FOXP1: variants seen among roughly 807,000 people sequenced by gnomAD.
The protein encoded by FOXP1 is forkhead box P1, also known as forkhead box protein P1.
In FOXP1, 15 loss-of-function variants were observed where a neutral mutation model predicts 98.2. The observed-to-expected ratio is 0.15, with a 90% CI of 0.10 to 0.24. FOXP1 has a LOEUF of 0.24. Among genes scored for constraint, FOXP1 ranks in the 10% least tolerant of loss-of-function variants. The pLI is 1.00. For synonymous variants in FOXP1, 371 were observed against 314.5 expected, an observed-to-expected ratio of 1.18 and a Z score of -1.90; for missense variants, 633 against 848.5, an observed-to-expected ratio of 0.75 and a Z score of 3.15.
intron 11 of FOXP1, among the ~76,000 whole-genome samples, chr3:71,037,596 C>T (rs746212859): frequency 3.9e-5 from 6 of 152,208 alleles, no homozygotes; most frequent in Non-Finnish European, 8.8e-5. Flanking sequence ...CGCCATTGAA[C>T]TTGATCCCCA....
intron 11 of FOXP1, among the ~76,000 whole-genome samples, chr3:71,018,577 C>T (rs1454170413): frequency 9.2e-5 from 14 of 152,154 alleles, no homozygotes. Flanking sequence ...ACATCCTGTA[C>T]ACACTGTTGT....
intron 2 of FOXP1, chr3:71,570,785 C>G (rs2047279951): frequency 6.6e-6 from 1 of 152,202 alleles, no homozygotes; most frequent in African/African-American, 2.4e-5. Flanking sequence ...TCTGCCATAT[C>G]ACAAGATTTG....
chr3:71,382,749 T>C (rs2080273928), intron 3 of FOXP1, among the ~76,000 whole-genome samples: 1 of 152,234 alleles, frequency 6.6e-6, no homozygotes, highest in Non-Finnish European at 1.5e-5. Context: ...GTGACACTCT[T>C]TAAGCCTGCC....
intron 2 of FOXP1, among the ~76,000 whole-genome samples, chr3:71,511,650 T>C (rs2042213189): frequency 6.6e-6 from 1 of 152,230 alleles, no homozygotes; most frequent in African/African-American, 2.4e-5. Context: ...CTTCCTTTTT[T>C]TTGGTTTTCT....
chr3:71,029,442 G>C (rs1334991454), intron 11 of FOXP1, among the ~76,000 whole-genome samples: 2 of 152,050 alleles, frequency 1.3e-5, no homozygotes, highest in African/African-American at 2.4e-5. Context: ...CCAGGCTGGA[G>C]TGCAGTGGTG....
chr3:70,999,215 G>A (rs1418367618), intron 13 of FOXP1, among the ~76,000 whole-genome samples: 3 of 151,974 alleles, frequency 2.0e-5, no homozygotes, highest in South Asian at 2.1e-4. Context: ...TCAGCCTCCC[G>A]AGGAGCTGGG....
chr3:71,151,762 G>C (rs1255372102), intron 6 of FOXP1, among the ~76,000 whole-genome samples: 2 of 150,818 alleles, frequency 1.3e-5, no homozygotes, highest in East Asian at 2.0e-4. Context: ...GACCCACTAG[G>C]CATCTTAAGT....
At chr3:70,990,313 T>C (rs1278423841) in intron 13 of FOXP1, among the ~76,000 whole-genome samples, 2 of 152,212 alleles carry the variant, frequency 1.3e-5, no homozygotes, top group Non-Finnish European at 2.9e-5. Context: ...AATTCAGTTT[T>C]TCTTTTTTTT....
intron 6 of FOXP1, among the ~76,000 whole-genome samples, chr3:71,164,532 T>C (rs2061313198): frequency 6.6e-6 from 1 of 152,196 alleles, no homozygotes; most frequent in Admixed American, 6.5e-5. Flanking sequence ...GAAAGCACAG[T>C]TGGCTCCAAA....
chr3:71,097,461 T>A (rs1403112669), intron 7 of FOXP1, among the ~76,000 whole-genome samples: 2 of 152,146 alleles, frequency 1.3e-5, no homozygotes, highest in Admixed American at 6.5e-5. Flanking sequence ...ATTTTGTTAA[T>A]CCCTGATCTA....
At chr3:71,525,121 A>C (rs553299269) in intron 2 of FOXP1, among the ~76,000 whole-genome samples, 1 of 152,358 alleles carries the variant, frequency 6.6e-6, no homozygotes, top group South Asian at 2.1e-4. Flanking sequence ...CCACCTCATT[A>C]AACAATAATA....
intron 11 of FOXP1, among the ~76,000 whole-genome samples, chr3:71,022,707 G>C (rs143344716): frequency 1.3e-5 from 2 of 152,126 alleles, no homozygotes; most frequent in African/African-American, 2.4e-5. Context: ...GGAATCCTGC[G>C]AGTCCTTTCA....
At chr3:71,436,391 C>T (rs1006975266) in intron 3 of FOXP1, among the ~76,000 whole-genome samples, 1 of 152,090 alleles carries the variant, frequency 6.6e-6, no homozygotes, top group Non-Finnish European at 1.5e-5. Context: ...AACTGTGCCG[C>T]CGAACTTGTG....
intron 3 of FOXP1, among the ~76,000 whole-genome samples, chr3:71,414,454 C>A (rs1043456239): frequency 6.6e-6 from 1 of 152,224 alleles, no homozygotes; most frequent in African/African-American, 2.4e-5. Context: ...ACCATCCACA[C>A]CCACACAGCA....
intron 5 of FOXP1, among the ~76,000 whole-genome samples, chr3:71,216,136 C>G (rs992984644): frequency 6.6e-6 from 1 of 152,196 alleles, no homozygotes; most frequent in Non-Finnish European, 1.5e-5. Context: ...ACTGACAACT[C>G]CCACCCCAGG....
chr3:71,422,891 C>T (rs1038785353), intron 3 of FOXP1, among the ~76,000 whole-genome samples: 9 of 152,146 alleles, frequency 5.9e-5, no homozygotes, highest in Admixed American at 5.9e-4. Context: ...CACACTCACA[C>T]ACCCCTTCTT....
chr3:71,249,752 G>T (rs1230046088), intron 5 of FOXP1, among the ~76,000 whole-genome samples: 2 of 152,190 alleles, frequency 1.3e-5, no homozygotes, highest in African/African-American at 4.8e-5. Flanking sequence ...GCTCCACTCA[G>T]TTGGAAGGGA....
intron 6 of FOXP1, among the ~76,000 whole-genome samples, chr3:71,194,364 T>C (rs1213387860): frequency 6.6e-6 from 1 of 152,188 alleles, no homozygotes; most frequent in African/African-American, 2.4e-5. Flanking sequence ...TTCATTTTTA[T>C]TGAATAAACA....
chr3:71,484,783 G>A (rs114952493), intron 3 of FOXP1, among the ~76,000 whole-genome samples: 2,539 of 152,218 alleles, frequency 0.017, 64 homozygotes, highest in African/African-American at 0.058. Context: ...TGTATTTAAT[G>A]CGCTTCCCAG....
Sources: gnomAD v4.1 joint callset for allele counts (sites outside exome capture counted in the v4.1 genomes callset) on GRCh38, gnomAD v4.1.1 for gene constraint, MANE v1.5 for transcripts, NCBI Gene and HGNC (gene_info 2026-07-23, HGNC 2026-07-21) for gene names.